The following CCDC178 variants were observed in gnomAD, a reference collection of about 807,000 sequenced individuals.
CCDC178 encodes the protein coiled-coil domain containing 178.
A neutral mutation model predicts 117.4 loss-of-function variants in CCDC178; 126 were observed. The ratio of observed to expected loss-of-function variants is 1.07; its 90% CI spans 0.93 to 1.24. CCDC178 has a LOEUF of 1.24. Among genes scored for constraint, CCDC178 ranks in the 50% most tolerant of loss-of-function variants. The pLI, the probability that CCDC178 is intolerant of heterozygous loss-of-function variation, is 0.00. For missense variants in CCDC178, 1,030 were observed against 986.9 expected, an observed-to-expected ratio of 1.04 and a Z score of -0.59; for synonymous variants, 283 against 313.4, an observed-to-expected ratio of 0.90 and a Z score of 1.02.
chr18:33,266,096 A>T (rs1051787940), intron 14 of CCDC178, among the ~76,000 whole-genome samples: 8 of 152,018 alleles, frequency 5.3e-5, no homozygotes, highest in Non-Finnish European at 1.2e-4. Context: ...GATCCTCCAT[A>T]TCTGCAAGTT....
intron 14 of CCDC178, among the ~76,000 whole-genome samples, chr18:33,255,063 T>C (rs528741634): frequency 6.6e-6 from 1 of 152,006 alleles, no homozygotes; most frequent in East Asian, 1.9e-4. Context: ...AATTAATTAG[T>C]TCCCATGAGA....
intron 21 of CCDC178, among the ~76,000 whole-genome samples, chr18:33,024,349 A>G (rs2144838760): frequency 6.6e-6 from 1 of 152,252 alleles, no homozygotes; most frequent in East Asian, 1.9e-4. Context: ...CCTCTCTAGC[A>G]TTGGCTTTCA....
chr18:33,390,189 T>G (rs1555696997), intron 4 of CCDC178, among the ~76,000 whole-genome samples: 1 of 151,468 alleles, frequency 6.6e-6, no homozygotes, highest in Non-Finnish European at 1.5e-5. Flanking sequence ...AGAGAAAATG[T>G]AGAGAGAGAG....
Position 32,937,954 on chromosome 18 carries a change from A to G in CCDC178, c.*57T>C, listed in dbSNP as rs1039960826. 1 of 1,344,568 alleles carries G rather than the reference A, an allele frequency of 7.4e-7. No individual in the cohort carries two copies. The highest frequency in any genetic ancestry group is 1.7e-5 in the Admixed American group (1 of 59,438). 83.3% of individuals were successfully genotyped at this position (1,344,568 alleles called of 1,614,324 possible). ...GAATGTCCAATTACACTGTTATCTG[A>G]ACTGTGTGACTTTTCTTGTCTTTTA... is the stretch of plus-strand genomic sequence containing the variant. On this transcript the variant is annotated 3_prime_UTR_variant, in exon 23 of 23. Coordinates refer to ENST00000383096, the MANE Select transcript of CCDC178 (RefSeq NM_001105528.4).
At chr18:33,204,225 G>A (rs1457873401) in intron 20 of CCDC178, among the ~76,000 whole-genome samples, 1 of 151,982 alleles carries the variant, frequency 6.6e-6, no homozygotes, top group African/African-American at 2.4e-5. Flanking sequence ...CTGAGTTCAA[G>A]ATTAAATATT....
chr18:33,227,448 C>G (rs1459768597), intron 15 of CCDC178, among the ~76,000 whole-genome samples: 2 of 151,072 alleles, frequency 1.3e-5, no homozygotes, highest in African/African-American at 2.4e-5. Flanking sequence ...TTCCTTCTGT[C>G]TTAAAATTAC....
At chr18:32,963,495 C>T (rs1182109373) in intron 22 of CCDC178, among the ~76,000 whole-genome samples, 2 of 151,976 alleles carry the variant, frequency 1.3e-5, no homozygotes, top group East Asian at 3.9e-4. Flanking sequence ...ATATCTCCCT[C>T]TTCATTTCAT....
chr18:33,069,559 C>A (rs907326719), intron 21 of CCDC178, among the ~76,000 whole-genome samples: 1 of 151,974 alleles, frequency 6.6e-6, no homozygotes, highest in Non-Finnish European at 1.5e-5. Context: ...TATACCTAAT[C>A]CTATAAAACT....
At chr18:33,320,281 T>C (rs2062487587) in intron 11 of CCDC178, among the ~76,000 whole-genome samples, 1 of 152,122 alleles carries the variant, frequency 6.6e-6, no homozygotes, top group Non-Finnish European at 1.5e-5. Context: ...TGTATTCAAT[T>C]AGGAAAAGAG....
At chr18:33,178,676 A>G (rs2058692108) in intron 20 of CCDC178, among the ~76,000 whole-genome samples, 1 of 152,048 alleles carries the variant, frequency 6.6e-6, no homozygotes. Context: ...TCAGAGATAA[A>G]CCATGTTTTC....
At chr18:33,175,061 G>A (rs139158596) in intron 20 of CCDC178, among the ~76,000 whole-genome samples, 20 of 150,040 alleles carry the variant, frequency 1.3e-4, no homozygotes, top group Admixed American at 5.3e-4. Context: ...GGTATTTTTA[G>A]TTGAGATGGG....
chr18:33,267,167 C>T (rs776381139), intron 13 of CCDC178, 35 bp downstream of exon 13: 51 of 1,538,028 alleles, frequency 3.3e-5, no homozygotes, highest in South Asian at 4.8e-5. Flanking sequence ...TAGAAAATGG[C>T]GTTCTAAGTG....
At chr18:33,296,750 A>C (rs536142439) in intron 11 of CCDC178, among the ~76,000 whole-genome samples, 1 of 152,186 alleles carries the variant, frequency 6.6e-6, no homozygotes, top group Non-Finnish European at 1.5e-5. Flanking sequence ...ATTTTGGGCC[A>C]GGCGTGGTGG....
At chr18:33,052,476 AAG>A (rs1441604754) in intron 21 of CCDC178, among the ~76,000 whole-genome samples, 1 of 152,208 alleles carries the variant, frequency 6.6e-6, no homozygotes. Flanking sequence ...TAAACATGCA[AAG>A]AGAGTCTCTT....
chr18:33,177,528 G>A (rs374748513), intron 20 of CCDC178, among the ~76,000 whole-genome samples: 16 of 152,038 alleles, frequency 1.1e-4, no homozygotes, highest in African/African-American at 3.4e-4. Context: ...TCCTTTGCTC[G>A]TGTAAAACAC....
At chr18:32,955,397 CTGTT>C (rs1568179007) in intron 22 of CCDC178, among the ~76,000 whole-genome samples, 1 of 150,276 alleles carries the variant, frequency 6.7e-6, no homozygotes, top group African/African-American at 2.5e-5. Context: ...TCTTAGTACT[CTGTT>C]TGTCTTTTGT....
intron 20 of CCDC178, among the ~76,000 whole-genome samples, chr18:33,191,900 A>G (rs2058862788): frequency 6.6e-6 from 1 of 152,174 alleles, no homozygotes; most frequent in South Asian, 2.1e-4. Context: ...CAATTTAAGT[A>G]ATAAACATGA....
chr18:33,123,837 C>T (rs1033306859), intron 20 of CCDC178, among the ~76,000 whole-genome samples: 3 of 152,044 alleles, frequency 2.0e-5, no homozygotes, highest in Non-Finnish European at 2.9e-5. Flanking sequence ...AATCCAACAC[C>T]AGTTAAGAAA....
intron 2 of CCDC178, among the ~76,000 whole-genome samples, chr18:33,415,202 T>G (rs1412355744): frequency 1.3e-5 from 2 of 152,178 alleles, no homozygotes; most frequent in Non-Finnish European, 2.9e-5. Flanking sequence ...CATTACTGGG[T>G]ATATACCCAA....
Sources: gnomAD v4.1 joint callset for allele counts (sites outside exome capture counted in the v4.1 genomes callset) on GRCh38, gnomAD v4.1.1 for gene constraint, MANE v1.5 for transcripts, NCBI Gene and HGNC (gene_info 2026-07-23, HGNC 2026-07-21) for gene names.